The following RGSL1 variants were observed in gnomAD, a reference collection of about 807,000 sequenced individuals.
RGSL1 encodes regulator of G protein signaling protein-like.
A neutral mutation model predicts 124.7 loss-of-function variants in RGSL1; 97 were observed. The ratio of observed to expected loss-of-function variants is 0.78; its 90% CI spans 0.66 to 0.92. The LOEUF (loss-of-function observed/expected upper bound fraction) is 0.92. Ranked by LOEUF, RGSL1 falls within the 40% of genes least tolerant of loss-of-function variation. RGSL1 has a pLI of 0.00. For synonymous variants in RGSL1, 424 were observed against 438.1 expected (o/e 0.97, Z 0.40); for missense variants, 1,233 against 1,288.4 (o/e 0.96, Z 0.66).
chr1:182,461,395 G>A (rs171961), intron 4 of RGSL1, among the ~76,000 whole-genome samples: 12,971 of 151,866 alleles, frequency 0.085, 742 homozygotes, highest in East Asian at 0.26. Context: ...GAGGGAATCT[G>A]ATTTCCAGAG....
chr1:182,458,221 C>A, intron 2 of RGSL1, 98 bp from the exon 3 acceptor site: 2 of 801,664 alleles, frequency 2.5e-6, no homozygotes, highest in South Asian at 1.8e-5. Flanking sequence ...AATAAAAGAG[C>A]CATGGAACCT....
intron 13 of RGSL1, 130 bp downstream of exon 13, chr1:182,531,040 AGCAAGTCCCT>A: frequency 9.3e-7 from 1 of 1,075,624 alleles, no homozygotes; most frequent in Non-Finnish European, 1.3e-6. Context: ...TAGGAATTTA[AGCAAGTCCCT>A]CTCTTCTCTA....
At chr1:182,551,009 G>A (rs1442368647) in intron 17 of RGSL1, 91 bp from the exon 18 acceptor site, 4 of 807,060 alleles carry the variant, frequency 5.0e-6, no homozygotes, top group Non-Finnish European at 8.3e-6. Context: ...ATTCTCTGAG[G>A]ACTGGCCCGG....
At chr1:182,503,979 T>TCAC (rs1656605327) in intron 9 of RGSL1, among the ~76,000 whole-genome samples, 2 of 123,566 alleles carry the variant, frequency 1.6e-5, no homozygotes, top group East Asian at 2.3e-4. Flanking sequence ...AATTTCTTTT[T>TCAC]TTTTTTTTTT....
chr1:182,513,291 G>A (rs957858699), intron 9 of RGSL1, among the ~76,000 whole-genome samples: 4 of 152,138 alleles, frequency 2.6e-5, no homozygotes, highest in African/African-American at 9.7e-5. Context: ...TCTACCTAAG[G>A]GTCTCTGGCA....
At chr1:182,493,224 A>G in intron 9 of RGSL1, 95 bp downstream of exon 9, 2 of 838,622 alleles carry the variant, frequency 2.4e-6, no homozygotes, top group Non-Finnish European at 3.8e-6. Flanking sequence ...AACATAAGCC[A>G]AAAGAGGAAC....
rs916343117 is a variant in RGSL1, at chr1:182,531,322, A to G, written c.2364+412A>G. On this transcript the variant is annotated intron_variant, in intron 13 of 21. Coordinates refer to ENST00000294854, the MANE Select transcript of RGSL1 (RefSeq NM_001137669.2). ...TGCAGACAAACAAACCAGAGAGAGA[A>G]TGCAAAGTGCTGAGAACACCATTTC... 3.3e-5 allele frequency among the ~76,000 whole-genome samples: 5 copies of G among 152,202 alleles called. No individual in the cohort carries two copies. The South Asian group carries it at 1.0e-3, about 32-fold the overall frequency.
chr1:182,544,841 A>C (rs1660112301), intron 15 of RGSL1, among the ~76,000 whole-genome samples: 1 of 151,968 alleles, frequency 6.6e-6, no homozygotes, highest in African/African-American at 2.4e-5. Context: ...ACTCACATAG[A>C]ATATCTTTTT....
At position 182,488,972 on chromosome 1, in the gene RGSL1, T is replaced by G; in HGVS notation, c.1495-8T>G. ...AAATGCCATCTTCCCCTCACCCTCT[T>G]CTCTTAGACACAGAACAGGTTCATC... On this transcript the variant is annotated splice_polypyrimidine_tract_variant and splice_region_variant and intron_variant, in intron 7 of 21. Transcript: ENST00000294854. The G allele has an allele frequency of 6.5e-7, 1 of 1,548,372 alleles. No individual in the cohort carries two copies. The highest frequency in any genetic ancestry group is 1.2e-5 in the South Asian group (1 of 83,716).
chr1:182,480,040 T>C (rs1366707973), intron 6 of RGSL1, among the ~76,000 whole-genome samples: 3 of 152,212 alleles, frequency 2.0e-5, no homozygotes, highest in Non-Finnish European at 4.4e-5. Flanking sequence ...TGTGTTGCTT[T>C]AATAGAAGAC....
At position 182,545,516 on chromosome 1, in the gene RGSL1, G is replaced by C. The variant is rs59885781; in HGVS notation, c.2670-2801G>C. Reference sequence around the variant, plus strand: ...ACCAATGAGTTTTATACCTTCAAAGGCTTCCTTCTTGCGTGTTAGTGTCAT... The same window carrying C: ...ACCAATGAGTTTTATACCTTCAAAGCCTTCCTTCTTGCGTGTTAGTGTCAT... On this transcript the variant is annotated intron_variant, in intron 15 of 21. Coordinates refer to ENST00000294854, the MANE Select transcript of RGSL1 (RefSeq NM_001137669.2). Among the ~76,000 whole-genome samples the C allele has an allele frequency of 8.1e-3, 1,235 of 152,190 alleles. 18 individuals are homozygous for C. The highest frequency in any genetic ancestry group is 0.031 in the Middle Eastern group (9 of 294).
intron 9 of RGSL1, among the ~76,000 whole-genome samples, chr1:182,515,465 T>C (rs545877423): frequency 1.7e-4 from 24 of 143,324 alleles, no homozygotes; most frequent in Non-Finnish European, 3.1e-4. Flanking sequence ...TTGCAGTTAC[T>C]AGCAAGCAGG....
Position 182,551,143 on chromosome 1 carries a change from G to A in RGSL1, c.2977G>A (p.Gly993Arg). The A allele has an allele frequency of 6.4e-7, 1 of 1,551,698 alleles. No individual in the cohort carries two copies. Among genetic ancestry groups the A allele is most frequent in the South Asian group, 1.2e-5 (1 of 84,054 alleles). The change falls in exon 18 of 22, where the codon GGG becomes AGG. Residue 993 changes from glycine to arginine, a missense_variant. Coordinates refer to ENST00000294854, the MANE Select transcript of RGSL1 (RefSeq NM_001137669.2). ...KATRSYLQYR[G>R]KKFKDRKSPP... ...AACCCGCTCTTACTTACAGTATAGG[G>A]GGAAGAAGTTCAAGGACAGAAAAAG...
At position 182,469,684 on chromosome 1, in the gene RGSL1, G is replaced by C. The variant is rs1653658117; in HGVS notation, c.302-2712G>C. ...CTCAAAAGAATTGAAAGCAGGGTCT[G>C]GAGAGATATTTGTACATCCATGTCC... On this transcript the variant is annotated intron_variant, in intron 4 of 21. Coordinates refer to ENST00000294854, the MANE Select transcript of RGSL1 (RefSeq NM_001137669.2). 2.6e-5 allele frequency among the ~76,000 whole-genome samples: 4 copies of C among 152,158 alleles called. No homozygotes were observed. The South Asian group carries it at 8.3e-4, about 31-fold the overall frequency.
In RGSL1 at chr1:182,473,609, C is replaced by T. The variant is rs761803004; in HGVS notation, c.498C>T (p.Asn166=). 3.9e-5 allele frequency: 61 copies of T among 1,549,416 alleles called. 1 individual carries two copies. In the Middle Eastern group the frequency reaches 8.3e-4, roughly 21 times the overall value. The change falls in exon 6 of 22, where the codon AAC becomes AAT. Residue 166 remains asparagine, a synonymous_variant. Transcript: ENST00000294854. ...SLLNLSIWHP[N]QSTTRREILS... The stretch of plus-strand genomic sequence containing the variant: ...TGAACCTCTCCATCTGGCATCCCAA[C>T]CAATCAACCACTAGGAGGGAGATCC...
intron 11 of RGSL1, among the ~76,000 whole-genome samples, 196 bp downstream of exon 11, chr1:182,527,968 G>A (rs1658878516): frequency 6.6e-6 from 1 of 152,152 alleles, no homozygotes; most frequent in Non-Finnish European, 1.5e-5. Context: ...CTTAATACGA[G>A]TTGTATTAAT....
At chr1:182,504,199 T>C (rs1656629688) in intron 9 of RGSL1, among the ~76,000 whole-genome samples, 1 of 152,078 alleles carries the variant, frequency 6.6e-6, no homozygotes, top group African/African-American at 2.4e-5. Context: ...CAGACTGGTC[T>C]CGAACTCCTG....
Position 182,474,297 on chromosome 1 carries a change from G to C in RGSL1, c.1186G>C (p.Glu396Gln). ...DHLKKLNLKVEIQLLDLWQDL... is the reference protein window; with the variant it reads ...DHLKKLNLKVQIQLLDLWQDL... The stretch of plus-strand genomic sequence containing the variant: ...CCTGAAGAAGCTGAATTTGAAAGTG[G>C]AGATCCAACTTCTTGACCTCTGGCA... The change falls in exon 6 of 22, where the codon GAG (glutamate) becomes CAG (glutamine). Residue 396 changes from glutamate (E) to glutamine (Q), a missense_variant. Glu to Gln is a conservative substitution (Grantham distance 29). Transcript: ENST00000294854. 6.4e-7 allele frequency: 1 copy of C among 1,551,724 alleles called. No homozygotes were observed. Among genetic ancestry groups the C allele is most frequent in the Non-Finnish European group, 8.7e-7 (1 of 1,146,984 alleles).
At chr1:182,466,820 G>A (rs868261238) in intron 4 of RGSL1, among the ~76,000 whole-genome samples, 2 of 151,990 alleles carry the variant, frequency 1.3e-5, no homozygotes, top group Non-Finnish European at 1.5e-5. Context: ...AAATAGAAAC[G>A]TCAATCCTAA....
Sources: gnomAD v4.1 joint callset for allele counts (sites outside exome capture counted in the v4.1 genomes callset) on GRCh38, gnomAD v4.1.1 for gene constraint, MANE v1.5 for transcripts, NCBI Gene and HGNC (gene_info 2026-07-23, HGNC 2026-07-21) for gene names.